The following NMU variants were observed in gnomAD, a reference collection of about 807,000 sequenced individuals.
NMU encodes the protein neuromedin-U.
A neutral mutation model predicts 35.4 loss-of-function variants in NMU; 29 were observed. That is an observed-to-expected ratio of 0.82 (90% CI 0.61 to 1.12). NMU has a LOEUF of 1.12. NMU is among the 50% of genes most tolerant of loss of function. The pLI, the probability that NMU is intolerant of heterozygous loss-of-function variation, is 0.00. For synonymous variants in NMU, 78 were observed against 81.3 expected, an observed-to-expected ratio of 0.96 and a Z score of 0.22; for missense variants, 199 against 206.2, an observed-to-expected ratio of 0.97 and a Z score of 0.21.
At chr4:55,618,270 T>C (rs995373761) in intron 2 of NMU, among the ~76,000 whole-genome samples, 6 of 152,184 alleles carry the variant, frequency 3.9e-5, no homozygotes, top group Non-Finnish European at 7.3e-5. Context: ...GTTACATAGG[T>C]ATACACATGC....
chr4:55,634,886 T>A (rs1428744994), intron 1 of NMU, among the ~76,000 whole-genome samples: 5 of 150,648 alleles, frequency 3.3e-5, no homozygotes, highest in African/African-American at 1.2e-4. Flanking sequence ...TGTCTCTCTC[T>A]CTCTCACACA....
chr4:55,635,258 G>T (rs1715850435), intron 1 of NMU, among the ~76,000 whole-genome samples: 1 of 152,136 alleles, frequency 6.6e-6, no homozygotes, highest in Non-Finnish European at 1.5e-5. Context: ...CCCAGAAAAT[G>T]ATATCTCCCC....
At chr4:55,612,560 TAGAA>T (rs1324611661) in intron 3 of NMU, among the ~76,000 whole-genome samples, 1 of 152,004 alleles carries the variant, frequency 6.6e-6, no homozygotes, top group Non-Finnish European at 1.5e-5. Context: ...TACAAAACAA[TAGAA>T]AGAAAATACC....
intron 9 of NMU, among the ~76,000 whole-genome samples, chr4:55,596,425 ACT>A (rs1733184899): frequency 6.6e-6 from 1 of 151,068 alleles, no homozygotes; most frequent in South Asian, 2.1e-4. Context: ...CATTGTGAAC[ACT>A]CTAATACTTA....
chr4:55,626,995 AAC>A (rs1396871358), intron 2 of NMU, among the ~76,000 whole-genome samples: 1 of 152,172 alleles, frequency 6.6e-6, no homozygotes, highest in African/African-American at 2.4e-5. Context: ...TTCATCCACC[AAC>A]TCCCTTTGGT....
chr4:55,629,646 G>C (rs1435354246), intron 2 of NMU, among the ~76,000 whole-genome samples: 1 of 150,230 alleles, frequency 6.7e-6, no homozygotes, highest in Admixed American at 6.6e-5. Context: ...AAAAATTCCT[G>C]GGCGGAAGTA....
intron 9 of NMU, among the ~76,000 whole-genome samples, chr4:55,596,362 GTTT>G (rs34453144): frequency 1.3e-4 from 18 of 140,328 alleles, no homozygotes; most frequent in East Asian, 8.4e-4. Flanking sequence ...AATTTTGGAG[GTTT>G]TTTTTTTTTT....
chr4:55,603,210 T>C (rs1262851793), intron 7 of NMU, among the ~76,000 whole-genome samples: 287 of 151,766 alleles, frequency 1.9e-3, no homozygotes, highest in African/African-American at 6.8e-3. Flanking sequence ...CGGGATTTCA[T>C]CATGATGGAC....
intron 9 of NMU, among the ~76,000 whole-genome samples, chr4:55,598,745 C>A (rs1169312863): frequency 6.6e-6 from 1 of 152,172 alleles, no homozygotes. Flanking sequence ...TACTTTCAGT[C>A]CGTAAATCTT....
intron 7 of NMU, among the ~76,000 whole-genome samples, chr4:55,600,931 A>T (rs995545090): frequency 6.6e-6 from 1 of 152,176 alleles, no homozygotes; most frequent in Non-Finnish European, 1.5e-5. Flanking sequence ...GAAATAATTT[A>T]TTTAAAATAC....
intron 3 of NMU, among the ~76,000 whole-genome samples, chr4:55,614,125 C>T (rs1446117911): frequency 2.0e-5 from 3 of 152,026 alleles, no homozygotes; most frequent in Admixed American, 6.6e-5. Context: ...TCATTTCTTT[C>T]CTTTGAGTTT....
chr4:55,604,217 C>G (rs763761568), intron 7 of NMU, among the ~76,000 whole-genome samples: 1 of 150,194 alleles, frequency 6.7e-6, no homozygotes, highest in South Asian at 2.1e-4. Flanking sequence ...AGGCGCCCAC[C>G]GCCACGCCCA....
chr4:55,598,456 T>A (rs1056534961), intron 9 of NMU, among the ~76,000 whole-genome samples: 6 of 152,212 alleles, frequency 3.9e-5, no homozygotes, highest in African/African-American at 1.4e-4. Context: ...TACACTTTTA[T>A]TTCTGTGGTA....
intron 1 of NMU, among the ~76,000 whole-genome samples, chr4:55,631,311 A>AAAAT (rs1275027133): frequency 1.3e-5 from 2 of 152,342 alleles, no homozygotes; most frequent in African/African-American, 4.8e-5. Flanking sequence ...AACAAAAACA[A>AAAAT]AAATAAATAA....
chr4:55,618,845 CT>C (rs1734235853), intron 2 of NMU, among the ~76,000 whole-genome samples: 1 of 145,464 alleles, frequency 6.9e-6, no homozygotes, highest in African/African-American at 2.5e-5. Context: ...TTTTCTCTCT[CT>C]TTCTTTCTTC....
chr4:55,636,272 T>A lies in NMU; in HGVS notation c.-80A>T. On this transcript the variant is annotated 5_prime_UTR_variant, in exon 1 of 10. Coordinates refer to ENST00000264218, the MANE Select transcript of NMU (RefSeq NM_006681.4). This position sits in a 1 kb window ranked among gnomAD's most constrained non-coding sequence, Gnocchi z 4.0. ...CTGGTGCTCCACCTGGTGCCCTGGC[T>A]GTGCCTCGGGGCCCGGACACAGGAC... The A allele has an allele frequency of 7.1e-7, 1 of 1,401,490 alleles. No homozygotes were observed. Among genetic ancestry groups the A allele is most frequent in the Non-Finnish European group, 9.2e-7 (1 of 1,087,706 alleles). The allele number at this position is 1,401,490 out of a possible 1,614,324, so 86.8% of individuals were successfully genotyped here. A position where few individuals can be genotyped will look rare whatever the true frequency, so the allele number is the denominator to read the frequency against.
Position 55,605,363 on chromosome 4 carries a change from AAC to A in NMU, c.361-16_361-15del. 1.3e-6 allele frequency: 2 copies of A among 1,597,512 alleles called. No homozygotes were observed. Among genetic ancestry groups the A allele is most frequent in the Non-Finnish European group, 1.7e-6 (2 of 1,164,764 alleles). ...CACAACTGACGACTGAGAGGACATG[AAC>A]ACACACGTGAATAAGTGCATGGCTT... On this transcript the variant is annotated splice_polypyrimidine_tract_variant and intron_variant, in intron 6 of 9. Transcript: ENST00000264218.
chr4:55,632,019 C>A (rs376421214), intron 1 of NMU, among the ~76,000 whole-genome samples: 41 of 152,294 alleles, frequency 2.7e-4, no homozygotes, highest in African/African-American at 8.7e-4. Flanking sequence ...TTTGCAGCAA[C>A]TTGGATGGAG....
At chr4:55,603,525 G>A (rs1280408677) in intron 7 of NMU, among the ~76,000 whole-genome samples, 1 of 151,980 alleles carries the variant, frequency 6.6e-6, no homozygotes, top group Admixed American at 6.6e-5. Flanking sequence ...AATAATACTT[G>A]TATAAGTACT....
Sources: gnomAD v4.1 joint callset for allele counts (sites outside exome capture counted in the v4.1 genomes callset) on GRCh38, gnomAD v4.1.1 for gene constraint, Gnocchi (gnomAD v3.1) non-coding constraint, MANE v1.5 for transcripts, NCBI Gene and HGNC (gene_info 2026-07-23, HGNC 2026-07-21) for gene names.